AGAP6: variants seen among roughly 807,000 people sequenced by gnomAD.
AGAP6 encodes arf-GAP with GTPase, ANK repeat and PH domain-containing protein 6.
A neutral mutation model predicts 63.9 loss-of-function variants in AGAP6; 29 were observed. The ratio of observed to expected loss-of-function variants is 0.45; its 90% CI spans 0.34 to 0.62. AGAP6 has a LOEUF of 0.62. Ranked by LOEUF, AGAP6 falls within the 20% of genes least tolerant of loss-of-function variation. The pLI, the probability that AGAP6 is intolerant of heterozygous loss-of-function variation, is 0.01. For missense variants in AGAP6, 493 were observed against 884.9 expected, an observed-to-expected ratio of 0.56 and a Z score of 5.62; for synonymous variants, 199 against 332.9, an observed-to-expected ratio of 0.60 and a Z score of 4.38.
At position 50,009,910 on chromosome 10, in the gene AGAP6, C is replaced by G. The variant is rs201151847; in HGVS notation, c.1785C>G (p.Thr595=). ...TGGGCCAGCAGCTGCTGCGGGCCACCGCTGATGAGGACCTGCAGACAGCCA... is the reference window on the plus strand; with the variant it reads ...TGGGCCAGCAGCTGCTGCGGGCCACGGCTGATGAGGACCTGCAGACAGCCA... The part of the protein sequence containing the change: ...LSLGQQLLRA[T]ADEDLQTAIL... Residue 595 remains threonine (T), a synonymous_variant, in exon 8 of 8, where the codon ACC becomes ACG. Coordinates refer to ENST00000412531, the MANE Select transcript of AGAP6 (RefSeq NM_001077665.3). 4 of 1,611,574 alleles carry G rather than the reference C, an allele frequency of 2.5e-6. No individual in the cohort carries two copies. Among genetic ancestry groups the G allele is most frequent in the Non-Finnish European group, 3.4e-6 (4 of 1,179,836 alleles).
rs1431022690 is a variant in AGAP6, at chr10:49,994,767, A to G, written c.396+338A>G. 3.9e-5 allele frequency among the ~76,000 whole-genome samples: 6 copies of G among 152,154 alleles called. No individual in the cohort carries two copies. In the East Asian group the frequency reaches 5.8e-4, roughly 15 times the overall value. ...CATCTGAGGTCAGGAGTTTGAGACAACCCTGACCAACATGGTGAAATTCTG... is the reference window on the plus strand; with the variant it reads ...CATCTGAGGTCAGGAGTTTGAGACAGCCCTGACCAACATGGTGAAATTCTG... On this transcript the variant is annotated intron_variant, in intron 4 of 7. Coordinates refer to ENST00000412531, the MANE Select transcript of AGAP6 (RefSeq NM_001077665.3).
chr10:49,989,301 C>T lies in AGAP6; in HGVS notation c.224-7C>T, dbSNP rs782476661. The T allele has an allele frequency of 3.0e-5, 48 of 1,597,382 alleles. No homozygotes were observed. In the African/African-American group the frequency reaches 5.3e-4, roughly 18 times the overall value. On this transcript the variant is annotated splice_polypyrimidine_tract_variant and splice_region_variant and intron_variant, in intron 1 of 7. Transcript: ENST00000412531. The stretch of plus-strand genomic sequence containing the variant: ...ATCCTTTTTCTTTTCTCCCTCTATA[C>T]ATATAGCTTTGGAGTTTAACCTTTC...
intron 7 of AGAP6, 46 bp downstream of exon 7, chr10:50,008,122 A>G (rs1413370955): frequency 7.4e-6 from 12 of 1,611,788 alleles, no homozygotes; most frequent in Non-Finnish European, 1.0e-5. Flanking sequence ...ATACACTTGT[A>G]TCTGTTTCAT....
In AGAP6 at chr10:50,010,242, A is replaced by G. The variant is rs1345910676; in HGVS notation, c.*56A>G. The G allele has an allele frequency of 6.3e-7, 1 of 1,593,412 alleles. No individual in the cohort carries two copies. Among genetic ancestry groups the G allele is most frequent in the African/African-American group, 1.3e-5 (1 of 74,402 alleles). Reference sequence around the variant, plus strand: ...GTGCAAAAACAAAATGGGAAAAATAAGGATAACTCAGAATTTCAAAAGGAA... The same window carrying G: ...GTGCAAAAACAAAATGGGAAAAATAGGGATAACTCAGAATTTCAAAAGGAA... On this transcript the variant is annotated 3_prime_UTR_variant, in exon 8 of 8. Coordinates refer to ENST00000412531, the MANE Select transcript of AGAP6 (RefSeq NM_001077665.3).
At chr10:49,998,157 T>G (rs1160690665) in intron 4 of AGAP6, among the ~76,000 whole-genome samples, 1 of 108,496 alleles carries the variant, frequency 9.2e-6, no homozygotes, top group African/African-American at 3.7e-5. Flanking sequence ...CTGTGAAGAT[T>G]TCCTCCCACT....
chr10:49,991,408 TAAAG>T, intron 2 of AGAP6, among the ~76,000 whole-genome samples: 1 of 111,404 alleles, frequency 9.0e-6, no homozygotes, highest in Non-Finnish European at 1.9e-5. Context: ...TTTTTTTTAA[TAAAG>T]GAGGGTGTCA....
rs781922840 is a variant in AGAP6, at chr10:50,009,658, C to T, written c.1533C>T (p.Pro511=). The stretch of plus-strand genomic sequence containing the variant: ...CAGGTATCCACCGCAGTCTTGGCCC[C>T]CACCTTTCCCGTGTGCGATCTCTGG... ...ECSGIHRSLG[P]HLSRVRSLEL... Residue 511 remains proline (P), a synonymous_variant, in exon 8 of 8, where the codon CCC becomes CCT. Transcript: ENST00000412531. 5.0e-6 allele frequency: 8 copies of T among 1,614,110 alleles called. No individual in the cohort carries two copies. The highest frequency in any genetic ancestry group is 8.5e-7 in the Non-Finnish European group (1 of 1,180,046).
chr10:50,004,022 C>G (rs1228534774), intron 5 of AGAP6, among the ~76,000 whole-genome samples: 19 of 152,180 alleles, frequency 1.2e-4, no homozygotes, highest in African/African-American at 4.6e-4. Context: ...TGTTTTGAGA[C>G]TCACTCTACA....
intron 4 of AGAP6, among the ~76,000 whole-genome samples, chr10:49,996,740 C>CT (rs541201709): frequency 0.085 from 10,832 of 126,848 alleles, 610 homozygotes; most frequent in African/African-American, 0.16. Context: ...ACCTTGCTGG[C>CT]TTTTTTTTTT....
In AGAP6 at chr10:49,998,869, T is replaced by C. The variant is rs1363632794; in HGVS notation, c.397-3127T>C. Among the ~76,000 whole-genome samples, 3 of 139,176 alleles carry C rather than the reference T, an allele frequency of 2.2e-5. 1 individual carries two copies. Among genetic ancestry groups the C allele is most frequent in the South Asian group, 5.0e-4 (2 of 4,038 alleles). 91.3% of individuals were successfully genotyped at this position (139,176 alleles called of 152,430 possible). On this transcript the variant is annotated intron_variant, in intron 4 of 7. Transcript: ENST00000412531. ...GAGCATGGGGTGTCTTTCCATTTGTTTGTGTCCATGACTTCATTCAGCAAC... is the reference window on the plus strand; with the variant it reads ...GAGCATGGGGTGTCTTTCCATTTGTCTGTGTCCATGACTTCATTCAGCAAC...
rs182767162 is a variant in AGAP6, at chr10:50,009,956, T to C, written c.1831T>C (p.Ser611Pro). Residue 611 changes from serine (S) to proline (P), a missense_variant, in exon 8 of 8, where the codon TCC (serine) becomes CCC (proline). Transcript: ENST00000412531. ...AGCCATCCTGCTGCTGGCACATGGC[T>C]CCTGTGAGGAGGTGAACGAGACCTG... ...QTAILLLAHG[S>P]CEEVNETCGE... The C allele has an allele frequency of 2.9e-5, 46 of 1,612,216 alleles. No individual in the cohort carries two copies. The highest frequency in any genetic ancestry group is 2.8e-4 in the African/African-American group (21 of 74,962).
chr10:49,995,831 G>C (rs188141304), intron 4 of AGAP6, among the ~76,000 whole-genome samples: 3 of 152,328 alleles, frequency 2.0e-5, no homozygotes, highest in Admixed American at 2.0e-4. Context: ...TGGTTCTGAA[G>C]ACATTTTGCA....
chr10:49,990,468 T>C (rs1459090202), intron 2 of AGAP6, among the ~76,000 whole-genome samples: 3 of 152,104 alleles, frequency 2.0e-5, no homozygotes, highest in Non-Finnish European at 4.4e-5. Flanking sequence ...GGAAAGAAAG[T>C]TGGAGTTTTT....
chr10:49,994,560 C>A, intron 4 of AGAP6, 131 bp downstream of exon 4: 2 of 1,279,776 alleles, frequency 1.6e-6, no homozygotes, highest in Non-Finnish European at 2.1e-6. Context: ...TTCTAAATCT[C>A]TTCTATTTTC....
chr10:50,004,240 CA>C (rs1841820258), intron 5 of AGAP6, among the ~76,000 whole-genome samples: 1 of 150,084 alleles, frequency 6.7e-6, no homozygotes, highest in African/African-American at 2.5e-5. Flanking sequence ...CTTGTAGTCC[CA>C]GCTTCTTGGG....
chr10:49,989,511 G>C (rs1439434517), intron 2 of AGAP6, 135 bp downstream of exon 2: 24 of 1,432,356 alleles, frequency 1.7e-5, no homozygotes, highest in African/African-American at 2.9e-5. Flanking sequence ...TTTTTTCTTT[G>C]TACCTATCCA....
chr10:49,996,193 T>A (rs1443948739), intron 4 of AGAP6, among the ~76,000 whole-genome samples: 1 of 152,224 alleles, frequency 6.6e-6, no homozygotes, highest in African/African-American at 2.4e-5. Context: ...TGTGACTTTA[T>A]CCTCTACTAT....
chr10:50,008,383 C>T (rs1212901930), intron 7 of AGAP6, among the ~76,000 whole-genome samples: 1 of 150,292 alleles, frequency 6.7e-6, no homozygotes, highest in Non-Finnish European at 1.5e-5. Context: ...ACTGCAGGCT[C>T]TGCCTCCCAG....
At chr10:49,995,763 A>G (rs1429181884) in intron 4 of AGAP6, among the ~76,000 whole-genome samples, 2 of 152,106 alleles carry the variant, frequency 1.3e-5, no homozygotes. Context: ...CTGGGTGGAG[A>G]TGTTAAAATC....
Sources: gnomAD v4.1 joint callset for allele counts (sites outside exome capture counted in the v4.1 genomes callset) on GRCh38, gnomAD v4.1.1 for gene constraint, MANE v1.5 for transcripts, NCBI Gene and HGNC (gene_info 2026-07-23, HGNC 2026-07-21) for gene names.